Variants in ATP11B observed in about 807,000 individuals in gnomAD.
The protein encoded by ATP11B is ATPase phospholipid transporting 11B (putative), also known as phospholipid-transporting ATPase IF.
In ATP11B, 81 loss-of-function variants were observed where a neutral mutation model predicts 157.8. The observed-to-expected ratio is 0.51, with a 90% CI of 0.43 to 0.62. The LOEUF is 0.62. Ranked by LOEUF, ATP11B falls within the 20% of genes least tolerant of loss-of-function variation. The pLI is 0.00. For synonymous variants in ATP11B, 451 were observed against 469.4 expected, an observed-to-expected ratio of 0.96 and a Z score of 0.51; for missense variants, 1,165 against 1,402.2, an observed-to-expected ratio of 0.83 and a Z score of 2.70.
chr3:182,896,570 A>G lies in ATP11B; in HGVS notation c.2983-130A>G, dbSNP rs190136128. 50 of 716,584 alleles carry G rather than the reference A, an allele frequency of 7.0e-5. No individual in the cohort carries two copies. The Admixed American group carries it at 7.5e-4, about 11-fold the overall frequency. 44.4% of individuals were successfully genotyped at this position (716,584 alleles called of 1,614,324 possible). On this transcript the variant is annotated intron_variant, in intron 25 of 29. Transcript: ENST00000323116. ...TTCTCATACTTTTAACTTTATGAGT[A>G]TAGTCACCAGTTTCAAATGTACCTG...
Position 182,887,688 on chromosome 3 carries a change from T to G in ATP11B, c.2818T>G (p.Leu940Val), listed in dbSNP as rs770276884. 6.2e-7 allele frequency: 1 copy of G among 1,611,450 alleles called. No individual in the cohort carries two copies. Among genetic ancestry groups the G allele is most frequent in the African/African-American group, 1.3e-5 (1 of 74,824 alleles). The change falls in exon 24 of 30, where the codon TTA becomes GTA. Residue 940 changes from leucine to valine, a missense_variant. This residue lies in a region of ATP11B where 303 missense variants were observed against 296.3 expected (regional missense o/e 1.02). Coordinates refer to ENST00000323116, the MANE Select transcript of ATP11B (RefSeq NM_014616.3). ...GGAACAGCATGTAGACCCTCATGTG[T>G]TACAAAATAAGCCCACCCTTTATCG... ...LLEQHVDPHV[L>V]QNKPTLYRDI...
In ATP11B at chr3:182,921,595, A is replaced by AGTT. The variant is rs1725495227; in HGVS notation, c.*3492_*3494dup. On this transcript the variant is annotated 3_prime_UTR_variant, in exon 30 of 30. Transcript: ENST00000323116. ...ACTCATAATTTTTTAAAGTTTATGA[A>AGTT]GTTATATTTATCAAATAAAAACTTT... 6.6e-6 allele frequency: 1 copy of AGTT among 152,174 alleles called. No individual in the cohort carries two copies. The highest frequency in any genetic ancestry group is 6.5e-5 in the Admixed American group (1 of 15,272). The allele number at this position is 152,174 out of a possible 1,614,324, so 9.4% of individuals were successfully genotyped here.
chr3:182,804,067 A>T (rs1716171004), intron 1 of ATP11B, among the ~76,000 whole-genome samples: 1 of 152,032 alleles, frequency 6.6e-6, no homozygotes. Context: ...CATGGAAAAT[A>T]GTTCTAGATT....
In ATP11B at chr3:182,919,970, A is replaced by G. The variant is rs1725363437; in HGVS notation, c.*1866A>G. On this transcript the variant is annotated 3_prime_UTR_variant, in exon 30 of 30. Coordinates refer to ENST00000323116, the MANE Select transcript of ATP11B (RefSeq NM_014616.3). ...TTCCAGAAGAGGAAATAATGAAGAT[A>G]TACTCAGTAGAGTACTAGGTGGGAG... 1.3e-5 allele frequency: 2 copies of G among 152,236 alleles called. No individual in the cohort carries two copies. The highest frequency in any genetic ancestry group is 1.5e-5 in the Non-Finnish European group (1 of 68,038). 9.4% of individuals were successfully genotyped at this position (152,236 alleles called of 1,614,324 possible). A position where few individuals can be genotyped will look rare whatever the true frequency, so the allele number is the denominator to read the frequency against.
rs180839625 is a variant in ATP11B, at chr3:182,919,471, T to G, written c.*1367T>G. 6.5e-6 allele frequency: 1 copy of G among 152,774 alleles called. No homozygotes were observed. The highest frequency in any genetic ancestry group is 2.4e-5 in the African/African-American group (1 of 41,582). 9.5% of individuals were successfully genotyped at this position (152,774 alleles called of 1,614,324 possible). On this transcript the variant is annotated 3_prime_UTR_variant, in exon 30 of 30. Coordinates refer to ENST00000323116, the MANE Select transcript of ATP11B (RefSeq NM_014616.3). ...GTTCAGTATTGTCATTTGTTTTTGTTTTATTGAAAAGTAATGTTGTCTTAA... is the reference window on the plus strand; with the variant it reads ...GTTCAGTATTGTCATTTGTTTTTGTGTTATTGAAAAGTAATGTTGTCTTAA...
intron 8 of ATP11B, among the ~76,000 whole-genome samples, chr3:182,844,779 G>A (rs1719338519): frequency 6.6e-6 from 1 of 151,686 alleles, no homozygotes; most frequent in Non-Finnish European, 1.5e-5. Flanking sequence ...TATTAACTTT[G>A]CTTTAAAATT....
chr3:182,904,982 C>G (rs528252909), intron 28 of ATP11B, among the ~76,000 whole-genome samples: 2 of 151,692 alleles, frequency 1.3e-5, no homozygotes, highest in South Asian at 4.2e-4. Flanking sequence ...TTTTCTTTTC[C>G]CCTCTTCCCC....
At chr3:182,824,356 G>C (rs1717579910) in intron 2 of ATP11B, among the ~76,000 whole-genome samples, 1 of 152,134 alleles carries the variant, frequency 6.6e-6, no homozygotes, top group African/African-American at 2.4e-5. Flanking sequence ...TTCCCCAGCT[G>C]TTTTGCAGCC....
chr3:182,815,880 G>A (rs1716940619), intron 1 of ATP11B, among the ~76,000 whole-genome samples: 1 of 152,030 alleles, frequency 6.6e-6, no homozygotes, highest in Admixed American at 6.6e-5. Context: ...AATATACTTG[G>A]CCTGAAATTG....
intron 8 of ATP11B, among the ~76,000 whole-genome samples, chr3:182,842,903 C>A (rs1342223841): frequency 6.6e-6 from 1 of 152,190 alleles, no homozygotes; most frequent in South Asian, 2.1e-4. Context: ...AATAATTAGT[C>A]CAGTCTATCA....
At chr3:182,858,894 A>G (rs1418529167) in intron 11 of ATP11B, among the ~76,000 whole-genome samples, 1 of 152,182 alleles carries the variant, frequency 6.6e-6, no homozygotes, top group African/African-American at 2.4e-5. Flanking sequence ...GCTTTTTGTT[A>G]GCTTCTGAAA....
chr3:182,889,259 A>G (rs1723008136), intron 24 of ATP11B, 151 bp from the exon 25 acceptor site: 1 of 566,804 alleles, frequency 1.8e-6, no homozygotes, highest in Admixed American at 3.8e-5. Context: ...TGGTTTATAA[A>G]TTTGGATTTA....
In ATP11B at chr3:182,879,663, T is replaced by A. The variant is rs1292408245; in HGVS notation, c.2406+14T>A. The A allele has an allele frequency of 6.3e-7, 1 of 1,585,848 alleles. No homozygotes were observed. Among genetic ancestry groups the A allele is most frequent in the East Asian group, 2.2e-5 (1 of 44,488 alleles). On this transcript the variant is annotated intron_variant, in intron 20 of 29. Transcript: ENST00000323116. ...CAGAAAGCAAAAGTATGTATATATG[T>A]TATAAAAAAGTCCCATAAAGCTATT...
intron 10 of ATP11B, among the ~76,000 whole-genome samples, chr3:182,850,091 G>A (rs913320402): frequency 1.4e-4 from 21 of 152,338 alleles, no homozygotes; most frequent in African/African-American, 4.3e-4. Flanking sequence ...ATTGGGGAAA[G>A]GACATCCTCT....
intron 12 of ATP11B, among the ~76,000 whole-genome samples, chr3:182,861,212 T>G (rs904864736): frequency 1.3e-5 from 2 of 151,890 alleles, no homozygotes; most frequent in African/African-American, 4.8e-5. Flanking sequence ...ATTACAGGCA[T>G]GTGCCACCAC....
At position 182,897,359 on chromosome 3, in the gene ATP11B, T is replaced by C. The variant is rs755313986; in HGVS notation, c.3105T>C (p.Ser1035=). 4 of 1,592,266 alleles carry C rather than the reference T, an allele frequency of 2.5e-6. No homozygotes were observed. In the South Asian group the frequency reaches 4.7e-5, roughly 19 times the overall value. Residue 1035 remains serine (S), a synonymous_variant, in exon 27 of 30, where the codon TCT becomes TCC. Transcript: ENST00000323116. The stretch of plus-strand genomic sequence containing the variant: ...TCAACCATCTCGTTACCTGGGGATC[T>C]ATTATATTTTATTTTGTATTTTCCT... ...TWINHLVTWG[S]IIFYFVFSLF...
At chr3:182,809,077 G>A (rs964066507) in intron 1 of ATP11B, among the ~76,000 whole-genome samples, 4 of 151,790 alleles carry the variant, frequency 2.6e-5, no homozygotes, top group African/African-American at 9.7e-5. Context: ...TTACCGATCT[G>A]TGAAATCCAA....
chr3:182,795,083 C>G (rs138435790), intron 1 of ATP11B, among the ~76,000 whole-genome samples: 1 of 151,932 alleles, frequency 6.6e-6, no homozygotes, highest in Non-Finnish European at 1.5e-5. Flanking sequence ...CTCCCTCCTA[C>G]AAATGTTGGG....
Position 182,857,579 on chromosome 3 carries a change from T to A in ATP11B, c.852-299T>A, listed in dbSNP as rs891315607. 2.7e-3 allele frequency among the ~76,000 whole-genome samples: 306 copies of A among 115,132 alleles called. 3 individuals are homozygous for A. The highest frequency in any genetic ancestry group is 9.7e-3 in the African/African-American group (244 of 25,244). The allele number at this position is 115,132 out of a possible 152,430, so 75.5% of individuals were successfully genotyped here. On this transcript the variant is annotated intron_variant, in intron 10 of 29. Transcript: ENST00000323116. The stretch of plus-strand genomic sequence containing the variant: ...CTGAAAATGTAAAAAAAAAAAAACT[T>A]AGAATAATTACTTATGGCAAAAATA...
Sources: allele counts gnomAD v4.1 joint callset (sites outside exome capture counted in the v4.1 genomes callset), GRCh38; gene constraint gnomAD v4.1.1; regional missense constraint gnomAD v4.1.1; transcripts MANE v1.5; gene names NCBI Gene and HGNC (gene_info 2026-07-23, HGNC 2026-07-21).